KALRN: variants seen among roughly 807,000 people sequenced by gnomAD.
The protein encoded by KALRN is kalirin.
KALRN carries 70 observed loss-of-function variants against 353.7 expected under a neutral mutation model. The ratio of observed to expected loss-of-function variants is 0.20; its 90% CI spans 0.16 to 0.24. The LOEUF is 0.24. KALRN is among the 10% of genes least tolerant of loss of function. KALRN has a pLI of 1.00. For missense variants in KALRN, 2,791 were observed against 3,756.7 expected (o/e 0.74, Z 6.72); for synonymous variants, 1,391 against 1,434.8 (o/e 0.97, Z 0.69).
chr3:124,702,203 A>T (rs2062374292), intron 57 of KALRN, 87 bp downstream of exon 57: 2 of 794,996 alleles, frequency 2.5e-6, no homozygotes, highest in East Asian at 5.1e-5. Flanking sequence ...GTCATTGTTT[A>T]TTTCTTTTAC....
chr3:124,040,549 T>TC (rs2039862027), intron 1 of KALRN, among the ~76,000 whole-genome samples: 1 of 152,182 alleles, frequency 6.6e-6, no homozygotes, highest in African/African-American at 2.4e-5. Flanking sequence ...ATTATCCAGC[T>TC]CCAAAATGTC....
chr3:124,443,989 C>T (rs2093750839), intron 19 of KALRN, among the ~76,000 whole-genome samples: 1 of 152,204 alleles, frequency 6.6e-6, no homozygotes, highest in African/African-American at 2.4e-5. Context: ...TCCTTTTCAC[C>T]TACTACCTAG....
At chr3:124,110,556 CCTT>C (rs762186217) in intron 1 of KALRN, among the ~76,000 whole-genome samples, 7 of 151,526 alleles carry the variant, frequency 4.6e-5, no homozygotes, top group Admixed American at 2.0e-4. Context: ...TCCTGATGAT[CCTT>C]CTTCATGGTA....
chr3:124,488,298 A>C lies in KALRN; in HGVS notation c.4379A>C (p.His1460Pro). Residue 1460 changes from histidine (H) to proline (P), a missense_variant, in exon 29 of 60, where the codon CAT (histidine) becomes CCT (proline). His to Pro is a moderately conservative substitution (Grantham distance 77). Transcript: ENST00000682506. ...SVPKKANDAM[H>P]VSMLEGFDEN... ...CCAAAGAAAGCCAATGATGCCATGC[A>C]TGTCAGCATGCTGGAAGGTAGCTGT... 1 of 1,611,830 alleles carries C rather than the reference A, an allele frequency of 6.2e-7. No individual in the cohort carries two copies. Among genetic ancestry groups the C allele is most frequent in the Non-Finnish European group, 8.5e-7 (1 of 1,177,878 alleles).
intron 32 of KALRN, among the ~76,000 whole-genome samples, chr3:124,495,993 A>ATG (rs2063762000): frequency 1.6e-5 from 1 of 62,242 alleles, no homozygotes; most frequent in African/African-American, 1.0e-4. Context: ...ATATATATAT[A>ATG]TATATATATA....
At chr3:124,138,595 T>C (rs2066230988) in intron 1 of KALRN, among the ~76,000 whole-genome samples, 2 of 152,318 alleles carry the variant, frequency 1.3e-5, no homozygotes, top group South Asian at 4.1e-4. Context: ...GGCCAGAGGA[T>C]TCACTGAAGT....
intron 57 of KALRN, among the ~76,000 whole-genome samples, chr3:124,705,806 T>TCCTTCCTTCCTTCCTC: frequency 3.4e-5 from 5 of 146,934 alleles, no homozygotes; most frequent in African/African-American, 1.3e-4. Flanking sequence ...GTCCCTCCCT[T>TCCTTCCTTCCTTCCTC]CCTTCCTTCC....
At chr3:124,328,109 T>C (rs1403166093) in intron 7 of KALRN, among the ~76,000 whole-genome samples, 1 of 152,252 alleles carries the variant, frequency 6.6e-6, no homozygotes, top group African/African-American at 2.4e-5. Flanking sequence ...CCTCCATTTG[T>C]GTCTATTTCC....
At chr3:124,226,603 G>T (rs528097760) in intron 1 of KALRN, among the ~76,000 whole-genome samples, 1 of 152,282 alleles carries the variant, frequency 6.6e-6, no homozygotes, top group East Asian at 1.9e-4. Flanking sequence ...TCTGATCATA[G>T]AAACTGGCAT....
chr3:124,480,678 G>C (rs1160588718), intron 27 of KALRN, among the ~76,000 whole-genome samples: 1 of 152,052 alleles, frequency 6.6e-6, no homozygotes, highest in Non-Finnish European at 1.5e-5. Context: ...AAGCAACCCT[G>C]TATCCTTTAG....
intron 25 of KALRN, among the ~76,000 whole-genome samples, chr3:124,467,515 A>C (rs1400906315): frequency 6.6e-6 from 1 of 152,222 alleles, no homozygotes; most frequent in Non-Finnish European, 1.5e-5. Flanking sequence ...AATTTAAATA[A>C]GGGGTGGGAT....
At chr3:124,626,516 T>C (rs1005613906) in intron 34 of KALRN, among the ~76,000 whole-genome samples, 2 of 152,220 alleles carry the variant, frequency 1.3e-5, no homozygotes, top group African/African-American at 4.8e-5. Context: ...TTTTTAATTA[T>C]AGAAAGCCAA....
At chr3:124,170,542 T>C (rs1190748483) in intron 1 of KALRN, among the ~76,000 whole-genome samples, 1 of 152,180 alleles carries the variant, frequency 6.6e-6, no homozygotes, top group African/African-American at 2.4e-5. Context: ...TTTGGAATTC[T>C]TTTAAAAGGC....
intron 1 of KALRN, among the ~76,000 whole-genome samples, chr3:124,154,807 A>G (rs1431802313): frequency 6.6e-6 from 1 of 152,146 alleles, no homozygotes; most frequent in Non-Finnish European, 1.5e-5. Flanking sequence ...CGCCAAGTCA[A>G]TCCTAAGCCA....
intron 10 of KALRN, among the ~76,000 whole-genome samples, chr3:124,358,512 A>C (rs2083666765): frequency 6.6e-6 from 1 of 152,202 alleles, no homozygotes; most frequent in Non-Finnish European, 1.5e-5. Flanking sequence ...CTTTGTATTC[A>C]GCATACTGAT....
chr3:124,274,201 T>C (rs1029579023), intron 5 of KALRN, among the ~76,000 whole-genome samples: 12 of 152,170 alleles, frequency 7.9e-5, no homozygotes, highest in African/African-American at 2.9e-4. Flanking sequence ...AGCCGTGAAG[T>C]CCACACGTCT....
intron 11 of KALRN, among the ~76,000 whole-genome samples, chr3:124,390,562 C>T (rs926181212): frequency 1.3e-5 from 2 of 152,144 alleles, no homozygotes; most frequent in Non-Finnish European, 2.9e-5. Context: ...ACTTGCTGTA[C>T]TGTTGTACTG....
At chr3:124,227,191 A>G (rs1435807561) in intron 1 of KALRN, among the ~76,000 whole-genome samples, 4 of 152,176 alleles carry the variant, frequency 2.6e-5, no homozygotes, top group Non-Finnish European at 5.9e-5. Context: ...GTGAGCCCCA[A>G]GATTCTGCCT....
intron 1 of KALRN, among the ~76,000 whole-genome samples, chr3:124,168,679 C>A (rs2071259362): frequency 6.6e-6 from 1 of 152,196 alleles, no homozygotes; most frequent in Admixed American, 6.5e-5. Context: ...CCGTCTGCTT[C>A]CTCTCATGTC....
Sources: gnomAD v4.1 joint callset for allele counts (sites outside exome capture counted in the v4.1 genomes callset) on GRCh38, gnomAD v4.1.1 for gene constraint, MANE v1.5 for transcripts, NCBI Gene and HGNC (gene_info 2026-07-23, HGNC 2026-07-21) for gene names.